The following ACOT11 variants were observed in gnomAD, a reference collection of about 807,000 sequenced individuals.
The protein encoded by ACOT11 is acyl-coenzyme A thioesterase 11.
Under a neutral mutation model 77.5 loss-of-function variants are expected in ACOT11, and 69 were observed. The observed-to-expected ratio is 0.89, with a 90% CI of 0.73 to 1.09. The LOEUF (loss-of-function observed/expected upper bound fraction) is 1.09, where lower values mean the gene tolerates loss of function less well. Ranked by LOEUF, ACOT11 falls within the 50% of genes least tolerant of loss-of-function variation. The probability of loss-of-function intolerance (pLI) is 0.00; values close to 1 mark genes in which losing one functional copy is unlikely to be tolerated. For synonymous variants in ACOT11, 279 were observed against 313.0 expected (o/e 0.89, Z 1.15); for missense variants, 766 against 813.7 (o/e 0.94, Z 0.71).
At chr1:54,634,552 G>A (rs563486123) in intron 16 of ACOT11, 107 of 543,982 alleles carry the variant, frequency 2.0e-4, no homozygotes, top group African/African-American at 1.8e-3. Flanking sequence ...AACAAAAAAG[G>A]TGGAAAAATA....
chr1:54,608,865 C>A, intron 15 of ACOT11, 92 bp from the exon 16 acceptor site: 2 of 1,294,152 alleles, frequency 1.5e-6, no homozygotes, highest in Admixed American at 3.7e-5. Flanking sequence ...GCAAGGCTGA[C>A]TCACCACCAG....
At chr1:54,633,442 C>G (rs1365313291) in intron 16 of ACOT11, among the ~76,000 whole-genome samples, 1 of 151,986 alleles carries the variant, frequency 6.6e-6, no homozygotes, top group African/African-American at 2.4e-5. Flanking sequence ...TGCTATAATT[C>G]CAAAAAATTG....
At chr1:54,630,727 C>T (rs1034644912) in intron 15 of ACOT11, 3 of 712,734 alleles carry the variant, frequency 4.2e-6, no homozygotes, top group African/African-American at 3.5e-5. Context: ...TCTTTTAATT[C>T]CTCTAGTGCT....
At chr1:54,562,569 A>G (rs1362917786) in intron 1 of ACOT11, among the ~76,000 whole-genome samples, 2 of 144,036 alleles carry the variant, frequency 1.4e-5, no homozygotes, top group East Asian at 2.1e-4. Context: ...TCCCTCCCGG[A>G]CGGGGTGGCT....
intron 7 of ACOT11, chr1:54,597,715 T>C: frequency 2.5e-6 from 1 of 403,556 alleles, no homozygotes; most frequent in Non-Finnish European, 4.5e-6. Context: ...AGCCTTCTAG[T>C]ATCTATGTTC....
intron 8 of ACOT11, 164 bp downstream of exon 8, chr1:54,599,579 C>T (rs908182189): frequency 1.7e-5 from 15 of 881,060 alleles, no homozygotes; most frequent in Non-Finnish European, 2.0e-5. Flanking sequence ...CTCTGATTTT[C>T]CCTTCTTGGG....
chr1:54,583,844 A>G (rs1320568692), intron 1 of ACOT11, among the ~76,000 whole-genome samples: 1 of 152,184 alleles, frequency 6.6e-6, no homozygotes, highest in Non-Finnish European at 1.5e-5. Context: ...TTTCTCACAC[A>G]TGCAGGTGTG....
At chr1:54,590,329 T>TG (rs35246693) in intron 3 of ACOT11, among the ~76,000 whole-genome samples, 3 of 151,542 alleles carry the variant, frequency 2.0e-5, no homozygotes, top group South Asian at 2.1e-4. Flanking sequence ...GATTTGTTCA[T>TG]GGGGGGTCGC....
At chr1:54,603,780 C>G in intron 10 of ACOT11, 91 bp from the exon 11 acceptor site, 1 of 1,255,748 alleles carries the variant, frequency 8.0e-7, no homozygotes, top group Non-Finnish European at 1.2e-6. Flanking sequence ...GGGCTCAGCA[C>G]AGGGCCTAGC....
rs375106724 is a variant in ACOT11, at chr1:54,582,769, G to A, written c.34-1886G>A. The stretch of plus-strand genomic sequence containing the variant: ...TAAAGCGGGGGTGCTGTGTGTCGGC[G>A]TCCCTGTGTGTGTGTCCAGACTGCC... On this transcript the variant is annotated intron_variant, in intron 1 of 15. Transcript: ENST00000343744. Among the ~76,000 whole-genome samples, 49 of 152,230 alleles carry A rather than the reference G, an allele frequency of 3.2e-4. No individual in the cohort carries two copies. In the East Asian group the frequency reaches 5.4e-3, roughly 17 times the overall value.
downstream of ACOT11, chr1:54,614,939 G>GTGTGT (rs1644156277): frequency 1.2e-5 from 15 of 1,210,182 alleles, no homozygotes; most frequent in East Asian, 4.8e-5. Context: ...AAGCAGAGCG[G>GTGTGT]GTGTGTGTGT....
intron 1 of ACOT11, among the ~76,000 whole-genome samples, chr1:54,558,626 A>G (rs578149397): frequency 7.9e-5 from 12 of 152,288 alleles, no homozygotes; most frequent in Middle Eastern, 3.4e-3. Flanking sequence ...AACAGAATCC[A>G]TTGGCAGGCT....
At position 54,584,654 on chromosome 1, in the gene ACOT11, G is replaced by A; in HGVS notation, c.34-1G>A. 6.2e-7 allele frequency: 1 copy of A among 1,613,830 alleles called. No individual in the cohort carries two copies. The highest frequency in any genetic ancestry group is 8.5e-7 in the Non-Finnish European group (1 of 1,179,848). ...CCCACCTGTCCCCACCTGTACCCCA[G>A]GGCTTGGCCTCTGTGTTCTCCAACC... is the stretch of plus-strand genomic sequence containing the variant. On this transcript the variant is annotated splice_acceptor_variant, in intron 1 of 15. Transcript: ENST00000343744. LOFTEE classifies it high-confidence loss of function. This position sits in a 1 kb window ranked among gnomAD's most constrained non-coding sequence, Gnocchi z 6.3.
At position 54,600,008 on chromosome 1, in the gene ACOT11, C is replaced by T. The variant is rs1643943843; in HGVS notation, c.884+593C>T. Among the ~76,000 whole-genome samples, 3 of 152,206 alleles carry T rather than the reference C, an allele frequency of 2.0e-5. No individual in the cohort carries two copies. In the South Asian group the frequency reaches 6.2e-4, roughly 32 times the overall value. ...CTCTGTGACCTTAGAAGTAACTTAA[C>T]CCCTCTGAGTGTCAGTTCTTTCACC... On this transcript the variant is annotated intron_variant, in intron 8 of 15. Coordinates refer to ENST00000343744, the MANE Select transcript of ACOT11 (RefSeq NM_147161.4).
intron 1 of ACOT11, among the ~76,000 whole-genome samples, chr1:54,573,817 G>A (rs927957583): frequency 6.6e-6 from 1 of 152,142 alleles, no homozygotes; most frequent in Non-Finnish European, 1.5e-5. Flanking sequence ...ATTACCTGAG[G>A]TCAGGAGTTT....
chr1:54,557,590 TGGTTAAATTTATTCTCA>T (rs1653307223), intron 1 of ACOT11, among the ~76,000 whole-genome samples: 1 of 152,086 alleles, frequency 6.6e-6, no homozygotes, highest in South Asian at 2.1e-4. Flanking sequence ...TTTACCTCCT[TGGTTAAATTTATTCTCA>T]GGTATTTTAT....
chr1:54,597,720 A>G (rs1643906601), intron 7 of ACOT11: 1 of 379,568 alleles, frequency 2.6e-6, no homozygotes, highest in Non-Finnish European at 4.8e-6. Flanking sequence ...TCTAGTATCT[A>G]TGTTCGCTTC....
At chr1:54,577,978 C>A (rs964640389) in intron 1 of ACOT11, among the ~76,000 whole-genome samples, 1 of 152,210 alleles carries the variant, frequency 6.6e-6, no homozygotes, top group Non-Finnish European at 1.5e-5. Context: ...CTTAGGATCC[C>A]TCTCGGGGCT....
chr1:54,554,351 AT>A (rs35047110), intron 1 of ACOT11, among the ~76,000 whole-genome samples: 13,788 of 97,012 alleles, frequency 0.14, 1,273 homozygotes, highest in Middle Eastern at 0.22. Context: ...ATATATATAT[AT>A]TTTTTTTTTT....
Sources: allele counts gnomAD v4.1 joint callset (sites outside exome capture counted in the v4.1 genomes callset), GRCh38; gene constraint gnomAD v4.1.1; non-coding constraint Gnocchi (gnomAD v3.1); transcripts MANE v1.5; gene names NCBI Gene and HGNC (gene_info 2026-07-23, HGNC 2026-07-21).